NOMO2: variants seen among roughly 807,000 people sequenced by gnomAD.
NOMO2 encodes the protein BOS complex subunit NOMO2.
Under a neutral mutation model 67.1 loss-of-function variants are expected in NOMO2, and 14 were observed. That is an observed-to-expected ratio of 0.21 (90% CI 0.14 to 0.33). NOMO2 has a LOEUF of 0.33. Among genes scored for constraint, NOMO2 ranks in the 10% least tolerant of loss-of-function variants. NOMO2 has a pLI of 1.00. For missense variants in NOMO2, 178 were observed against 761.0 expected, an observed-to-expected ratio of 0.23 and a Z score of 9.01; for synonymous variants, 80 against 305.9, an observed-to-expected ratio of 0.26 and a Z score of 7.71.
At chr16:18,529,318 G>A (rs1379066276) in intron 15 of NOMO2, 183 bp downstream of exon 15, 1 of 721,526 alleles carries the variant, frequency 1.4e-6, no homozygotes, top group Non-Finnish European at 2.4e-6. Flanking sequence ...AAATACAGGG[G>A]TCCTTCCACT....
At chr16:18,529,405 T>C in intron 15 of NOMO2, 96 bp downstream of exon 15, 2 of 1,610,822 alleles carry the variant, frequency 1.2e-6, no homozygotes, top group Non-Finnish European at 8.5e-7. Context: ...GAAATCTGAC[T>C]TGCCTACGTT....
intron 4 of NOMO2, among the ~76,000 whole-genome samples, chr16:18,550,506 G>A (rs372488158): frequency 1.3e-5 from 2 of 151,614 alleles, no homozygotes; most frequent in Admixed American, 6.6e-5. Context: ...GGGCCTCCCC[G>A]TCACCGCAAA....
In NOMO2 at chr16:18,531,465, C is replaced by T; in HGVS notation, c.1537+1G>A. On this transcript the variant is annotated splice_donor_variant, in intron 13 of 30. Transcript: ENST00000622306. LOFTEE classifies it high-confidence loss of function. ...GTTCTTACTTTCCAGTGATATCTTA[C>T]CCAAACAAGAGACTTTCCCAGAAAC... 6.2e-7 allele frequency: 1 copy of T among 1,612,910 alleles called. No homozygotes were observed. Among genetic ancestry groups the T allele is most frequent in the Non-Finnish European group, 8.5e-7 (1 of 1,179,658 alleles).
chr16:18,560,641 C>T (rs1902016791), intron 1 of NOMO2, among the ~76,000 whole-genome samples: 2 of 151,894 alleles, frequency 1.3e-5, no homozygotes, highest in Admixed American at 1.3e-4. Context: ...AACAACGGGG[C>T]CTTGAAGAAG....
chr16:18,546,272 CT>C (rs1901660951), intron 6 of NOMO2, among the ~76,000 whole-genome samples: 6 of 61,654 alleles, frequency 9.7e-5, no homozygotes, highest in Non-Finnish European at 2.0e-4. Flanking sequence ...GAGCAAGACC[CT>C]GTTGCAAAAA....
At chr16:18,554,305 G>A (rs1188176500) in intron 3 of NOMO2, among the ~76,000 whole-genome samples, 3 of 152,046 alleles carry the variant, frequency 2.0e-5, no homozygotes, top group Middle Eastern at 3.4e-3. Flanking sequence ...GAGGAGCCAG[G>A]CTGACACGGG....
At chr16:18,529,837 G>A (rs554359351) in intron 14 of NOMO2, among the ~76,000 whole-genome samples, 200 bp from the exon 15 acceptor site, 4 of 151,294 alleles carry the variant, frequency 2.6e-5, no homozygotes, top group South Asian at 2.1e-4. Flanking sequence ...ACCTGGAGTC[G>A]AGCGTGGTGG....
At chr16:18,559,961 T>C (rs1484920262) in intron 1 of NOMO2, among the ~76,000 whole-genome samples, 1 of 151,792 alleles carries the variant, frequency 6.6e-6, no homozygotes, top group Non-Finnish European at 1.5e-5. Context: ...TGTACTGCTA[T>C]ATCCACACTG....
intron 15 of NOMO2, among the ~76,000 whole-genome samples, chr16:18,528,985 A>C (rs1161190620): frequency 1.1e-5 from 1 of 92,224 alleles, no homozygotes; most frequent in Admixed American, 1.2e-4. Flanking sequence ...AAAAAAAAAA[A>C]AAAATACATA....
intron 7 of NOMO2, 62 bp downstream of exon 7, chr16:18,543,555 G>A (rs1322745197): frequency 1.2e-6 from 2 of 1,609,110 alleles, no homozygotes; most frequent in African/African-American, 1.3e-5. Flanking sequence ...AGTATGTTCT[G>A]GTCTATAATC....
intron 12 of NOMO2, 97 bp from the exon 13 acceptor site, chr16:18,531,704 A>G (rs535762975): frequency 7.4e-5 from 116 of 1,570,514 alleles, no homozygotes; most frequent in Non-Finnish European, 9.0e-5. Context: ...CTAAGGCTAA[A>G]GAGATTTTGA....
At chr16:18,526,160 C>G (rs977299982) in intron 16 of NOMO2, among the ~76,000 whole-genome samples, 1 of 151,720 alleles carries the variant, frequency 6.6e-6, no homozygotes, top group African/African-American at 2.4e-5. Flanking sequence ...ATCTTGGGAA[C>G]CAAACAGAGG....
At chr16:18,535,248 C>T (rs1188028806) in intron 11 of NOMO2, among the ~76,000 whole-genome samples, 1 of 149,542 alleles carries the variant, frequency 6.7e-6, no homozygotes, top group African/African-American at 2.5e-5. Flanking sequence ...ACCCGAGAGG[C>T]GGAGGCTGCA....
Position 18,538,654 on chromosome 16 carries a change from T to G in NOMO2, c.1092A>C (p.Ser364=), listed in dbSNP as rs759491965. The stretch of plus-strand genomic sequence containing the variant: ...CTGTGGTTATGTTCTCAAGGCGGAA[T>G]GAGCCATCAGCTTTTGTTTTAACTG... ...QIKVKTKADG[S]FRLENITTGT... is the part of the protein sequence containing the mutation. Residue 364 remains serine, a synonymous_variant, in exon 11 of 31, where the codon TCA becomes TCC. Coordinates refer to ENST00000622306, the MANE Select transcript of NOMO2 (RefSeq NM_173614.4). 2 of 1,613,328 alleles carry G rather than the reference T, an allele frequency of 1.2e-6. No homozygotes were observed. Among genetic ancestry groups the G allele is most frequent in the African/African-American group, 2.7e-5 (2 of 74,844 alleles).
At chr16:18,554,740 C>A (rs1414458496) in intron 3 of NOMO2, 67 bp downstream of exon 3, 1 of 328,976 alleles carries the variant, frequency 3.0e-6, no homozygotes, top group African/African-American at 2.9e-5. Context: ...ACTCTGCTAG[C>A]CTAAATTAAT....
chr16:18,547,665 G>A (rs1901683393), intron 5 of NOMO2, among the ~76,000 whole-genome samples: 1 of 151,850 alleles, frequency 6.6e-6, no homozygotes, highest in South Asian at 2.1e-4. Context: ...ACAAGGAGAA[G>A]GGGACAGAAG....
Position 18,533,088 on chromosome 16 carries a change from T to C in NOMO2, c.1312A>G (p.Lys438Glu). 3 of 1,610,824 alleles carry C rather than the reference T, an allele frequency of 1.9e-6. No individual in the cohort carries two copies. The South Asian group carries it at 3.3e-5, about 18-fold the overall frequency. ...KYKVVLSSQD[K>E]DKSLVTVETD... ...TCCACGGTGACCAAAGACTTGTCCTTGTCTTGAGATGACAGGACAACTTTG... is the reference window on the plus strand; with the variant it reads ...TCCACGGTGACCAAAGACTTGTCCTCGTCTTGAGATGACAGGACAACTTTG... Residue 438 changes from lysine (K) to glutamate (E), a missense_variant, in exon 12 of 31, where the codon AAG becomes GAG. By Grantham distance (56) the Lys-to-Glu change is moderately conservative. Transcript: ENST00000622306.
rs779308589 is a variant in NOMO2 at position 18,538,982 on chromosome 16, A to G, written c.964-18T>C. ...AACACGGGCTAGAAAACAAAGAACA[A>G]GAAGAAGGTGCTCGAAGGTGCTCCT... On this transcript the variant is annotated intron_variant, in intron 9 of 30. Transcript: ENST00000622306. 13 of 1,604,506 alleles carry G rather than the reference A, an allele frequency of 8.1e-6. No homozygotes were observed. Among genetic ancestry groups the G allele is most frequent in the Non-Finnish European group, 1.1e-5 (13 of 1,171,850 alleles).
At chr16:18,530,282 CG>C (rs1901266403) in intron 14 of NOMO2, among the ~76,000 whole-genome samples, 1 of 51,310 alleles carries the variant, frequency 1.9e-5, no homozygotes, top group Non-Finnish European at 4.7e-5. Flanking sequence ...CTCAACCACT[CG>C]ACTTGGCCAC....
Sources: gnomAD v4.1 joint callset for allele counts (sites outside exome capture counted in the v4.1 genomes callset) on GRCh38, gnomAD v4.1.1 for gene constraint, MANE v1.5 for transcripts, NCBI Gene and HGNC (gene_info 2026-07-23, HGNC 2026-07-21) for gene names.